Variants in MFSD12 observed in about 807,000 individuals in gnomAD.
MFSD12 encodes the protein major facilitator superfamily domain-containing protein 12.
In MFSD12, 67 loss-of-function variants were observed where a neutral mutation model predicts 51.2. That is an observed-to-expected ratio of 1.31 (90% confidence interval 1.08 to 1.60). The LOEUF (loss-of-function observed/expected upper bound fraction) is 1.60, where lower values mean the gene tolerates loss of function less well. MFSD12 is among the 40% of genes most tolerant of loss of function. MFSD12 has a pLI of 0.00. For missense variants in MFSD12, 921 were observed against 673.0 expected, an observed-to-expected ratio of 1.37 and a Z score of -4.08; for synonymous variants, 441 against 316.7, an observed-to-expected ratio of 1.39 and a Z score of -4.17.
intron 6 of MFSD12, 26 bp from the exon 7 acceptor site, chr19:3,546,451 C>T (rs1474432205): frequency 6.3e-7 from 1 of 1,586,570 alleles, no homozygotes; most frequent in Non-Finnish European, 8.6e-7. Flanking sequence ...CGGGGTCAGG[C>T]CCACACCACT....
chr19:3,546,099 C>T lies in MFSD12; in HGVS notation c.1264G>A (p.Ala422Thr), dbSNP rs200819700. 1.7e-5 allele frequency: 27 copies of T among 1,613,408 alleles called. No individual in the cohort carries two copies. The African/African-American group carries it at 3.3e-4, about 20-fold the overall frequency. Reference protein sequence around the residue: ...DKVANGLAVMAIQSLHPCPSE... With the variant: ...DKVANGLAVMTIQSLHPCPSE... ...GGGCAAGGGTGCAGGCTCTGGATGG[C>T]CATGACTGCCAGCCCATTGGCCACC... Residue 422 changes from alanine to threonine, a missense_variant, in exon 8 of 10, where the codon GCC becomes ACC. Physicochemically the swap from Ala to Thr is moderately conservative, Grantham distance 58 (BLOSUM62 0). Transcript: ENST00000355415.
At position 3,546,310 on chromosome 19, in the gene MFSD12, G is replaced by T. The variant is rs1403636846; in HGVS notation, c.1139C>A (p.Ala380Asp). 8.7e-6 allele frequency: 14 copies of T among 1,609,256 alleles called. No homozygotes were observed. Among genetic ancestry groups the T allele is most frequent in the Non-Finnish European group, 1.1e-5 (13 of 1,178,742 alleles). The change falls in exon 7 of 10, where the codon GCC becomes GAC. Residue 380 changes from alanine (A) to aspartate (D), a missense_variant. Coordinates refer to ENST00000355415, the MANE Select transcript of MFSD12 (RefSeq NM_174983.5). ...GGCCAGCGAGGTGACGAGGATGGTG[G>T]CACAGCCAGCACCCAGCAGCACAGC... ...AAAVLLGAGC[A>D]TILVTSLAMT...
chr19:3,545,680 TGCCCCA>T (rs2030949822), intron 8 of MFSD12, among the ~76,000 whole-genome samples: 1 of 152,258 alleles, frequency 6.6e-6, no homozygotes, highest in Non-Finnish European at 1.5e-5. Flanking sequence ...CGGCTGGCTC[TGCCCCA>T]GGCCCAGACC....
intron 8 of MFSD12, among the ~76,000 whole-genome samples, chr19:3,545,215 CCAGGCT>C (rs2030892008): frequency 6.6e-6 from 1 of 152,212 alleles, no homozygotes; most frequent in Admixed American, 6.5e-5. Flanking sequence ...CGCCCCGGTC[CCAGGCT>C]GCAACTTCTC....
chr19:3,542,412 G>A (rs887795686), downstream of MFSD12: 9 of 985,360 alleles, frequency 9.1e-6, no homozygotes, highest in Non-Finnish European at 1.1e-5. Flanking sequence ...CTTGTTTTCT[G>A]GGATGACTTC....
downstream of MFSD12, chr19:3,544,094 A>G: frequency 6.9e-7 from 1 of 1,439,454 alleles, no homozygotes; most frequent in Non-Finnish European, 9.2e-7. Flanking sequence ...GAGGCTCGGG[A>G]CAGAGGCAGA....
Position 3,548,158 on chromosome 19 carries a change from C to A in MFSD12, c.619G>T (p.Asp207Tyr). 6.2e-7 allele frequency: 1 copy of A among 1,603,298 alleles called. No homozygotes were observed. The highest frequency in any genetic ancestry group is 2.3e-5 in the East Asian group (1 of 44,364). ...GGCACGTCCTGGCCCCCCAGCTGGTCGCTGATGCTGATGTCTTGGGTGGGC... is the reference window on the plus strand; with the variant it reads ...GGCACGTCCTGGCCCCCCAGCTGGTAGCTGATGCTGATGTCTTGGGTGGGC... ...VEPTQDISIS[D>Y]QLGGQDVPVF... The change falls in exon 3 of 10, where the codon GAC (aspartate) becomes TAC (tyrosine). Residue 207 changes from aspartate to tyrosine, a missense_variant. Physicochemically the swap from Asp to Tyr is radical, Grantham distance 160. Coordinates refer to ENST00000355415, the MANE Select transcript of MFSD12 (RefSeq NM_174983.5).
intron 1 of MFSD12, among the ~76,000 whole-genome samples, chr19:3,552,619 T>G (rs1191051788): frequency 6.6e-6 from 1 of 150,904 alleles, no homozygotes; most frequent in African/African-American, 2.4e-5. Flanking sequence ...GGATTACAGG[T>G]ACCTGCCGCC....
Position 3,547,314 on chromosome 19 carries a change from G to C in MFSD12, c.981C>G (p.Ser327=). Residue 327 remains serine, a synonymous_variant, in exon 6 of 10, where the codon TCC becomes TCG. Coordinates refer to ENST00000355415, the MANE Select transcript of MFSD12 (RefSeq NM_174983.5). ...PLVMYLSGFL[S]SFLMKPINKC... is the part of the protein sequence containing the mutation. ...TGTTGATGGGCTTCATGAGGAAGGA[G>C]GACAAGAAGCCGCTGAGGTACATCA... The C allele has an allele frequency of 6.2e-7, 1 of 1,613,342 alleles. No homozygotes were observed. Among genetic ancestry groups the C allele is most frequent in the East Asian group, 2.2e-5 (1 of 44,882 alleles).
downstream of MFSD12, chr19:3,544,122 G>A (rs11667842): frequency 3.7e-4 from 519 of 1,415,862 alleles, no homozygotes; most frequent in Non-Finnish European, 4.4e-4. Flanking sequence ...CTCGCTGGCC[G>A]CCCACAACCA....
rs1277883391 is a variant in MFSD12 at position 3,557,553 on chromosome 19, A to ACGTCCGCCG, written c.-159_-151dup. 9.0e-6 allele frequency: 3 copies of ACGTCCGCCG among 335,050 alleles called. No individual in the cohort carries two copies. Among genetic ancestry groups the ACGTCCGCCG allele is most frequent in the Non-Finnish European group, 1.4e-5 (3 of 214,054 alleles). The allele number at this position is 335,050 out of a possible 1,614,324, so 20.8% of individuals were successfully genotyped here. On this transcript the variant is annotated 5_prime_UTR_variant, in exon 1 of 10. Coordinates refer to ENST00000355415, the MANE Select transcript of MFSD12 (RefSeq NM_174983.5). The stretch of plus-strand genomic sequence containing the variant: ...CTCTCTTACGGCCGCGCCCTCACCC[A>ACGTCCGCCG]CGTCCGCCGCGTCCGCCCCACGCTC...
rs200547925 is a variant in MFSD12, at chr19:3,546,305, T to C, written c.1144A>G (p.Ile382Val). Residue 382 changes from isoleucine to valine, a missense_variant, in exon 7 of 10, where the codon ATC becomes GTC. Physicochemically the swap from Ile to Val is conservative, Grantham distance 29. Transcript: ENST00000355415. ...AVLLGAGCAT[I>V]LVTSLAMTAD... ...GTCATGGCCAGCGAGGTGACGAGGATGGTGGCACAGCCAGCACCCAGCAGC... is the reference window on the plus strand; with the variant it reads ...GTCATGGCCAGCGAGGTGACGAGGACGGTGGCACAGCCAGCACCCAGCAGC... 939 of 1,610,004 alleles carry C rather than the reference T, an allele frequency of 5.8e-4. 2 individuals are homozygous for C. In the Middle Eastern group the frequency reaches 5.9e-3, roughly 10 times the overall value.
At chr19:3,543,769 C>G, downstream of MFSD12, 2 of 1,489,472 alleles carry the variant, frequency 1.3e-6, no homozygotes, top group Non-Finnish European at 1.8e-6. Flanking sequence ...GATCCAGGAG[C>G]CCCTTGCTGG....
downstream of MFSD12, chr19:3,542,235 C>T (rs2030479329): frequency 4.1e-6 from 4 of 985,432 alleles, no homozygotes; most frequent in Non-Finnish European, 4.8e-6. Context: ...TGTGGGGTCC[C>T]TCAAACAGGC....
At chr19:3,538,629 G>A (rs564005271) in exon 5 of MFSD12, 21 of 394,988 alleles carry the variant, frequency 5.3e-5, no homozygotes, top group Non-Finnish European at 1.0e-4. Context: ...ACCTCCTTGT[G>A]GCTGAGTCTC....
downstream of MFSD12, chr19:3,542,161 C>T (rs1323080401): frequency 3.0e-6 from 3 of 985,342 alleles, no homozygotes; most frequent in Non-Finnish European, 3.6e-6. Flanking sequence ...TCTTGCAATT[C>T]ATTTCAAAAG....
At chr19:3,542,967 G>C, downstream of MFSD12, 1 of 1,542,058 alleles carries the variant, frequency 6.5e-7, no homozygotes, top group Non-Finnish European at 8.8e-7. Flanking sequence ...CTCTTCTCCA[G>C]GCAAGAAAAG....
intron 1 of MFSD12, among the ~76,000 whole-genome samples, chr19:3,556,861 G>A (rs1199623019): frequency 6.6e-6 from 1 of 152,190 alleles, no homozygotes; most frequent in Admixed American, 6.5e-5. Context: ...GACAGACAGG[G>A]GAGGTTCGGG....
chr19:3,557,509 C>T lies in MFSD12; in HGVS notation c.-106G>A, dbSNP rs1678588678. On this transcript the variant is annotated 5_prime_UTR_variant, in exon 1 of 10. Coordinates refer to ENST00000355415, the MANE Select transcript of MFSD12 (RefSeq NM_174983.5). ...AGGCGCCGGGGACCCCCACCACGCG[C>T]CGGGCACCCCGCGTCCCGCTCTCTT... 2 of 644,096 alleles carry T rather than the reference C, an allele frequency of 3.1e-6. No individual in the cohort carries two copies. The highest frequency in any genetic ancestry group is 4.1e-6 in the Non-Finnish European group (2 of 485,686). The allele number at this position is 644,096 out of a possible 1,614,324, so 39.9% of individuals were successfully genotyped here.
Sources: allele counts gnomAD v4.1 joint callset (sites outside exome capture counted in the v4.1 genomes callset), GRCh38; gene constraint gnomAD v4.1.1; transcripts MANE v1.5; gene names NCBI Gene and HGNC (gene_info 2026-07-23, HGNC 2026-07-21).